ZFHX3: variants seen among roughly 807,000 people sequenced by gnomAD.
The protein encoded by ZFHX3 is zinc finger homeobox 3.
A neutral mutation model predicts 279.1 loss-of-function variants in ZFHX3; 42 were observed. The observed-to-expected ratio is 0.15, with a 90% CI of 0.12 to 0.19. ZFHX3 has a LOEUF of 0.19. Among genes scored for constraint, ZFHX3 ranks in the 10% least tolerant of loss-of-function variants. The pLI is 1.00. For synonymous variants in ZFHX3, 2,293 were observed against 1,957.8 expected (o/e 1.17, Z -4.52); for missense variants, 4,981 against 4,754.0 (o/e 1.05, Z -1.40).
rs755178587 is a variant in ZFHX3, at chr16:72,788,288, C to T, written c.9988G>A (p.Gly3330Arg). 4.3e-6 allele frequency: 7 copies of T among 1,614,068 alleles called. No individual in the cohort carries two copies. Among genetic ancestry groups the T allele is most frequent in the Admixed American group, 3.3e-5 (2 of 60,004 alleles). The change falls in exon 10 of 10, where the codon GGG (glycine) becomes AGG (arginine). Residue 3330 changes from glycine (G) to arginine (R), a missense_variant. This residue lies in a region of ZFHX3 where 1,034 missense variants were observed against 786.0 expected (regional missense o/e 1.32). Transcript: ENST00000268489. ...ATGCCATACATAGGCTGCAGGTACC[C>T]GCTCTGCAGGGCGCCAGGGATCTGG... is the stretch of plus-strand genomic sequence containing the variant. The part of the protein sequence containing the change: ...APQIPGALQS[G>R]YLQPMYGMEG...
intron 2 of ZFHX3, among the ~76,000 whole-genome samples, chr16:73,457,491 G>T (rs1205767049): frequency 2.0e-5 from 3 of 152,168 alleles, no homozygotes; most frequent in Non-Finnish European, 4.4e-5. Flanking sequence ...CGAGGGAGTC[G>T]GCCGGGCACG....
intron 3 of ZFHX3, among the ~76,000 whole-genome samples, chr16:73,429,801 C>G (rs2017880494): frequency 1.3e-5 from 2 of 152,188 alleles, no homozygotes. Context: ...GCTCACAGCT[C>G]CCTGGGAAAA....
At chr16:73,885,238 G>GGGGT (rs1480838091) in intron 1 of ZFHX3, among the ~76,000 whole-genome samples, 30 of 152,106 alleles carry the variant, frequency 2.0e-4, no homozygotes, top group African/African-American at 5.5e-4. Context: ...GTGAGACAGG[G>GGGGT]GGGTATTAAA....
At chr16:73,535,743 G>A (rs1366217657) in intron 2 of ZFHX3, among the ~76,000 whole-genome samples, 2 of 132,886 alleles carry the variant, frequency 1.5e-5, no homozygotes, top group Admixed American at 8.0e-5. Context: ...TTTTTTCTTA[G>A]AAGGAGTCTC....
intron 1 of ZFHX3, among the ~76,000 whole-genome samples, chr16:73,750,507 A>C (rs2053752270): frequency 6.6e-6 from 1 of 152,210 alleles, no homozygotes; most frequent in Admixed American, 6.5e-5. Context: ...GATGTCAAAA[A>C]TAACACAATG....
intron 4 of ZFHX3, among the ~76,000 whole-genome samples, chr16:72,837,554 C>G (rs2037227016): frequency 6.8e-6 from 1 of 147,286 alleles, no homozygotes; most frequent in Admixed American, 7.1e-5. Context: ...TCATCACTTA[C>G]TGTAGCCTCA....
At chr16:73,564,323 G>T (rs544100887) in intron 2 of ZFHX3, among the ~76,000 whole-genome samples, 1 of 152,134 alleles carries the variant, frequency 6.6e-6, no homozygotes, top group Non-Finnish European at 1.5e-5. Context: ...CACAGCTTCC[G>T]CCGATTCCAT....
chr16:73,725,031 A>G (rs1167037210), intron 1 of ZFHX3, among the ~76,000 whole-genome samples: 1 of 152,208 alleles, frequency 6.6e-6, no homozygotes, highest in East Asian at 1.9e-4. Context: ...TAAGGTGTAA[A>G]AAATGATTTC....
chr16:73,344,704 G>A, intron 3 of ZFHX3, among the ~76,000 whole-genome samples: 1 of 151,882 alleles, frequency 6.6e-6, no homozygotes, highest in Non-Finnish European at 1.5e-5. Context: ...GACAGAGAGA[G>A]AGAGAGAGAC....
chr16:73,674,612 G>C (rs1217799287), intron 2 of ZFHX3, among the ~76,000 whole-genome samples: 1 of 152,176 alleles, frequency 6.6e-6, no homozygotes, highest in Non-Finnish European at 1.5e-5. Context: ...AATAGGACAT[G>C]ACAGTTTCTC....
At chr16:73,637,271 G>A (rs987585932) in intron 2 of ZFHX3, among the ~76,000 whole-genome samples, 12 of 135,544 alleles carry the variant, frequency 8.9e-5, no homozygotes, top group African/African-American at 2.8e-4. Flanking sequence ...TTGGTCTGTC[G>A]CCCAGGCTGC....
rs147842247 is a variant in ZFHX3 at position 73,166,213 on chromosome 16, A to G, written c.-1103-22382T>C. 6.1e-3 allele frequency among the ~76,000 whole-genome samples: 925 copies of G among 152,234 alleles called. 11 individuals are homozygous for G. The highest frequency in any genetic ancestry group is 0.022 in the African/African-American group (895 of 41,534). ...GCCACCTATTATAAAATACAAATGG[A>G]TATGTGAAAATGGTCAGAAACCCAT... On this transcript the variant is annotated intron_variant, in intron 5 of 17. Transcript: ENST00000641206.
intron 2 of ZFHX3, among the ~76,000 whole-genome samples, chr16:73,537,348 A>C (rs1189760027): frequency 6.1e-5 from 6 of 97,842 alleles, no homozygotes; most frequent in Admixed American, 3.2e-4. Context: ...TTTTAGTCTC[A>C]CTCTGTTGCC....
intron 8 of ZFHX3, among the ~76,000 whole-genome samples, chr16:73,072,674 C>T (rs771497718): frequency 6.6e-6 from 1 of 152,138 alleles, no homozygotes; most frequent in Non-Finnish European, 1.5e-5. Context: ...AAGCAGTCCT[C>T]CCACTTCAGC....
intron 2 of ZFHX3, among the ~76,000 whole-genome samples, chr16:73,643,241 A>AT (rs57791738): frequency 2.0e-5 from 3 of 152,132 alleles, no homozygotes; most frequent in Non-Finnish European, 4.4e-5. Context: ...TCCTCACAGA[A>AT]TTTTTTTGGG....
intron 3 of ZFHX3, among the ~76,000 whole-genome samples, chr16:73,444,337 C>A (rs1417952717): frequency 6.6e-6 from 1 of 152,174 alleles, no homozygotes; most frequent in East Asian, 1.9e-4. Flanking sequence ...CTTTACTGTG[C>A]AAAACAGCTG....
chr16:73,554,735 G>C (rs911569284), intron 2 of ZFHX3: 6 of 152,116 alleles, frequency 3.9e-5, no homozygotes, highest in African/African-American at 1.4e-4. Flanking sequence ...AGGAGGCGTG[G>C]GATAGAAGGT....
intron 1 of ZFHX3, among the ~76,000 whole-genome samples, chr16:73,783,869 G>C (rs1959552070): frequency 6.6e-6 from 1 of 152,190 alleles, no homozygotes; most frequent in African/African-American, 2.4e-5. Context: ...GTTGTCCTCA[G>C]CACTGAGTTT....
In ZFHX3 at chr16:73,213,415, C is replaced by T. The variant is rs562415921; in HGVS notation, c.-1104+43632G>A. On this transcript the variant is annotated intron_variant, in intron 5 of 17. Transcript: ENST00000641206. ...GGCAAACAATCACAACTAACCAGAA[C>T]TTAGCTCGACCCACATGTGCAAGGA... Among the ~76,000 whole-genome samples the T allele has an allele frequency of 4.6e-5, 7 of 152,330 alleles. No individual in the cohort carries two copies. In the South Asian group the frequency reaches 1.5e-3, roughly 32 times the overall value.
Sources: gnomAD v4.1 joint callset for allele counts (sites outside exome capture counted in the v4.1 genomes callset) on GRCh38, gnomAD v4.1.1 for gene constraint, gnomAD v4.1.1 regional missense constraint, MANE v1.5 for transcripts, NCBI Gene and HGNC (gene_info 2026-07-23, HGNC 2026-07-21) for gene names.